Variants in STT3B observed in about 807,000 individuals in gnomAD.
STT3B encodes the protein dolichyl-diphosphooligosaccharide--protein glycosyltransferase subunit STT3B.
A neutral mutation model predicts 96.8 loss-of-function variants in STT3B; 29 were observed. The observed-to-expected ratio is 0.30, with a 90% CI of 0.22 to 0.41. STT3B has a LOEUF of 0.41. Among genes scored for constraint, STT3B ranks in the 10% least tolerant of loss-of-function variants. STT3B has a pLI of 1.00. For missense variants in STT3B, 640 were observed against 1,022.3 expected (o/e 0.63, Z 5.10); for synonymous variants, 367 against 360.0 (o/e 1.02, Z -0.22).
At chr3:31,584,276 C>G (rs953170157) in intron 3 of STT3B, among the ~76,000 whole-genome samples, 7 of 152,118 alleles carry the variant, frequency 4.6e-5, no homozygotes, top group Non-Finnish European at 8.8e-5. Context: ...ATTCCCTTGC[C>G]ATCTGTATGT....
intron 1 of STT3B, among the ~76,000 whole-genome samples, chr3:31,571,039 T>C (rs1261436992): frequency 2.6e-5 from 4 of 152,124 alleles, no homozygotes; most frequent in Non-Finnish European, 5.9e-5. Context: ...AAGCCCAAGG[T>C]CAAAGCCTAG....
chr3:31,571,353 T>C (rs1698130888), intron 1 of STT3B, among the ~76,000 whole-genome samples: 1 of 151,956 alleles, frequency 6.6e-6, no homozygotes, highest in Admixed American at 6.6e-5. Flanking sequence ...TTCAATACTT[T>C]GGTGAAGCAC....
chr3:31,622,902 A>G (rs1338783702), intron 10 of STT3B, among the ~76,000 whole-genome samples: 1 of 152,242 alleles, frequency 6.6e-6, no homozygotes, highest in Non-Finnish European at 1.5e-5. Flanking sequence ...CTTGGATGAC[A>G]TATTAAACTT....
intron 10 of STT3B, among the ~76,000 whole-genome samples, chr3:31,622,909 A>G (rs1414025951): frequency 6.6e-6 from 1 of 152,200 alleles, no homozygotes; most frequent in East Asian, 1.9e-4. Flanking sequence ...GACATATTAA[A>G]CTTTGCTATT....
chr3:31,549,158 A>G (rs1376048526), intron 1 of STT3B, among the ~76,000 whole-genome samples: 1 of 152,194 alleles, frequency 6.6e-6, no homozygotes, highest in African/African-American at 2.4e-5. Flanking sequence ...AGTCGTAGAG[A>G]TAATAAAACT....
At position 31,589,039 on chromosome 3, in the gene STT3B, T is replaced by C. The variant is rs757267957; in HGVS notation, c.712-7759T>C. Among the ~76,000 whole-genome samples, 20 of 152,218 alleles carry C rather than the reference T, an allele frequency of 1.3e-4. 1 individual carries two copies. In the South Asian group the frequency reaches 2.5e-3, roughly 19 times the overall value. ...TCACTTGCTGAGATAAGGTTTGTTA[T>C]CTTAACAACATTGTCTTCCTATCAT... is the stretch of plus-strand genomic sequence containing the variant. On this transcript the variant is annotated intron_variant, in intron 3 of 15. Coordinates refer to ENST00000295770, the MANE Select transcript of STT3B (RefSeq NM_178862.3).
chr3:31,542,014 G>A (rs2125435345), intron 1 of STT3B, among the ~76,000 whole-genome samples: 1 of 152,270 alleles, frequency 6.6e-6, no homozygotes, highest in East Asian at 1.9e-4. Flanking sequence ...ATTATCTCAA[G>A]GCTGAACCCT....
chr3:31,540,253 A>G (rs1215416369), intron 1 of STT3B, among the ~76,000 whole-genome samples: 5 of 152,176 alleles, frequency 3.3e-5, no homozygotes, highest in Non-Finnish European at 5.9e-5. Flanking sequence ...TATTTAAAAA[A>G]ATTGTGTGTA....
chr3:31,637,146 A>T lies in STT3B; in HGVS notation c.*1082A>T, dbSNP rs1275132825. On this transcript the variant is annotated 3_prime_UTR_variant, in exon 16 of 16. Transcript: ENST00000295770. ...GTTGTCAAAAAATGCACTAAAATGT[A>T]AATGGAGATTGAACAAGTTCACTTT... is the stretch of plus-strand genomic sequence containing the variant. The T allele has an allele frequency of 6.6e-6, 1 of 152,220 alleles. No homozygotes were observed. The highest frequency in any genetic ancestry group is 2.1e-4 in the South Asian group (1 of 4,834). 9.4% of individuals were successfully genotyped at this position (152,220 alleles called of 1,614,324 possible). A position where few individuals can be genotyped will look rare whatever the true frequency, so the allele number is the denominator to read the frequency against.
At chr3:31,629,196 A>T (rs1699602177) in intron 13 of STT3B, 102 bp from the exon 14 acceptor site, 1 of 703,520 alleles carries the variant, frequency 1.4e-6, no homozygotes, top group Non-Finnish European at 2.5e-6. Flanking sequence ...CTTTATAAAG[A>T]TACCTCAGAA....
At chr3:31,555,376 A>G (rs1697679849) in intron 1 of STT3B, among the ~76,000 whole-genome samples, 1 of 152,158 alleles carries the variant, frequency 6.6e-6, no homozygotes, top group Non-Finnish European at 1.5e-5. Flanking sequence ...TAAGCTTTAT[A>G]TTTAAAGAAA....
chr3:31,613,687 T>C (rs1315533448), intron 5 of STT3B, among the ~76,000 whole-genome samples: 1 of 151,864 alleles, frequency 6.6e-6, no homozygotes, highest in African/African-American at 2.4e-5. Flanking sequence ...TCTCTCTCTT[T>C]CCTGCCTCTG....
At chr3:31,571,992 T>C (rs1010302562) in intron 1 of STT3B, among the ~76,000 whole-genome samples, 11 of 139,444 alleles carry the variant, frequency 7.9e-5, no homozygotes, top group Non-Finnish European at 1.5e-4. Flanking sequence ...TTAAATATAT[T>C]AATACATAAT....
At chr3:31,587,427 T>A (rs1466053445) in intron 3 of STT3B, among the ~76,000 whole-genome samples, 1 of 151,962 alleles carries the variant, frequency 6.6e-6, no homozygotes, top group African/African-American at 2.4e-5. Context: ...AATTTTCAAA[T>A]TAGATGGGTT....
At chr3:31,591,808 A>G (rs1698670576) in intron 3 of STT3B, among the ~76,000 whole-genome samples, 1 of 152,108 alleles carries the variant, frequency 6.6e-6, no homozygotes. Context: ...TACCATTTCC[A>G]GTATTCTTTA....
intron 1 of STT3B, among the ~76,000 whole-genome samples, chr3:31,564,636 G>A (rs73824185): frequency 0.015 from 2,356 of 152,168 alleles, 68 homozygotes; most frequent in African/African-American, 0.054. Context: ...CTTAGGCTGG[G>A]GGTTTCTTTT....
chr3:31,547,385 C>T lies in STT3B; in HGVS notation c.314+14073C>T, dbSNP rs182978761. On this transcript the variant is annotated intron_variant, in intron 1 of 15. Transcript: ENST00000295770. ...TAAAAAGAACATTGCAGGTCGGGTG[C>T]GGTGGCTCACACCTGTCATTTCCAC... Among the ~76,000 whole-genome samples, 133 of 152,214 alleles carry T rather than the reference C, an allele frequency of 8.7e-4. 1 individual carries two copies. The highest frequency in any genetic ancestry group is 3.0e-3 in the African/African-American group (125 of 41,522).
chr3:31,571,976 T>C (rs1404875120), intron 1 of STT3B, among the ~76,000 whole-genome samples: 7 of 121,096 alleles, frequency 5.8e-5, no homozygotes, highest in African/African-American at 2.5e-4. Context: ...ATTAAATATA[T>C]CAATATTAAA....
chr3:31,542,023 C>G (rs772034301), intron 1 of STT3B, among the ~76,000 whole-genome samples: 36 of 152,110 alleles, frequency 2.4e-4, no homozygotes, highest in Non-Finnish European at 4.6e-4. Flanking sequence ...AGGCTGAACC[C>G]TTGAGGTGGA....
Sources: allele counts gnomAD v4.1 joint callset (sites outside exome capture counted in the v4.1 genomes callset), GRCh38; gene constraint gnomAD v4.1.1; transcripts MANE v1.5; gene names NCBI Gene and HGNC (gene_info 2026-07-23, HGNC 2026-07-21).